The following ZSCAN30 variants were observed in gnomAD, a reference collection of about 807,000 sequenced individuals.
ZSCAN30 encodes the protein zinc finger and SCAN domain containing 30.
In ZSCAN30, 37 loss-of-function variants were observed where a neutral mutation model predicts 44.3. The observed-to-expected ratio is 0.84, with a 90% CI of 0.64 to 1.10. The LOEUF (loss-of-function observed/expected upper bound fraction) is 1.10. Ranked by LOEUF, ZSCAN30 falls within the 50% of genes least tolerant of loss-of-function variation. The pLI is 0.00. For missense variants in ZSCAN30, 549 were observed against 582.6 expected, an observed-to-expected ratio of 0.94 and a Z score of 0.59; for synonymous variants, 181 against 204.6, an observed-to-expected ratio of 0.88 and a Z score of 0.98.
At chr18:35,263,812 T>A in intron 2 of ZSCAN30, 133 bp downstream of exon 2, 1 of 1,394,876 alleles carries the variant, frequency 7.2e-7, no homozygotes, top group Non-Finnish European at 9.8e-7. Flanking sequence ...TTGAACCCAA[T>A]GAGTGAATAA....
At chr18:35,266,371 G>A (rs1171965655) in intron 1 of ZSCAN30, among the ~76,000 whole-genome samples, 2 of 152,100 alleles carry the variant, frequency 1.3e-5, no homozygotes, top group Non-Finnish European at 1.5e-5. Context: ...CCATTCAGAA[G>A]AGAGACTGTG....
intron 3 of ZSCAN30, chr18:35,258,087 A>G (rs918649076): frequency 5.4e-6 from 4 of 735,628 alleles, no homozygotes; most frequent in Non-Finnish European, 2.5e-6. Flanking sequence ...CAATCATATC[A>G]CAGTGGGCCT....
intron 1 of ZSCAN30, chr18:35,267,355 A>G (rs1204113444): frequency 1.3e-5 from 2 of 152,340 alleles, no homozygotes; most frequent in Non-Finnish European, 2.9e-5. Flanking sequence ...GCGGGACCCC[A>G]GATACAGCCG....
chr18:35,274,255 T>A lies in ZSCAN30; in HGVS notation c.-103-9800A>T, dbSNP rs577760284. Among the ~76,000 whole-genome samples, 595 of 152,202 alleles carry A rather than the reference T, an allele frequency of 3.9e-3. 5 individuals are homozygous for A. The highest frequency in any genetic ancestry group is 0.013 in the African/African-American group (555 of 41,536). The stretch of plus-strand genomic sequence containing the variant: ...GGTCTCACCGTGTTAGCCAGGATGG[T>A]CTCGATCTCCTGACCTCGTGATCTG... On this transcript the variant is annotated intron_variant, in intron 1 of 3. Transcript: ENST00000333206.
In ZSCAN30 at chr18:35,252,349, C is replaced by T. The variant is rs2043628294; in HGVS notation, c.*1101G>A. Reference sequence around the variant, plus strand: ...GTGTTTGTGTCCCATGACTCTGGGACTCAGGCAGTGGGAAGTATAAAGGAA... The same window carrying T: ...GTGTTTGTGTCCCATGACTCTGGGATTCAGGCAGTGGGAAGTATAAAGGAA... On this transcript the variant is annotated 3_prime_UTR_variant, in exon 4 of 4. Coordinates refer to ENST00000333206, the MANE Select transcript of ZSCAN30 (RefSeq NM_001112734.4). 1.3e-5 allele frequency: 2 copies of T among 152,230 alleles called. No homozygotes were observed. Among genetic ancestry groups the T allele is most frequent in the South Asian group, 2.1e-4 (1 of 4,828 alleles). 9.4% of individuals were successfully genotyped at this position (152,230 alleles called of 1,614,324 possible). A position where few individuals can be genotyped will look rare whatever the true frequency, so the allele number is the denominator to read the frequency against.
intron 3 of ZSCAN30, among the ~76,000 whole-genome samples, chr18:35,256,524 G>A (rs2043823290): frequency 6.6e-6 from 1 of 151,656 alleles, no homozygotes; most frequent in South Asian, 2.1e-4. Context: ...TCACACCACT[G>A]CATGACAGAA....
chr18:35,258,814 G>C (rs2043931412), intron 3 of ZSCAN30: 1 of 127,308 alleles, frequency 7.9e-6, no homozygotes, highest in Non-Finnish European at 1.6e-5. Flanking sequence ...AGGTTGTAGT[G>C]AGCCAAGATC....
intron 3 of ZSCAN30, chr18:35,260,949 A>AC (rs1253439219): frequency 3.3e-5 from 5 of 152,066 alleles, no homozygotes; most frequent in Non-Finnish European, 7.4e-5. Context: ...GAATGGTATT[A>AC]CCTAGATTTT....
intron 1 of ZSCAN30, among the ~76,000 whole-genome samples, chr18:35,287,659 G>A (rs868759959): frequency 2.0e-5 from 3 of 149,778 alleles, no homozygotes; most frequent in Non-Finnish European, 4.4e-5. Context: ...ATGGATCAGA[G>A]ACCAAAATGT....
intron 1 of ZSCAN30, among the ~76,000 whole-genome samples, chr18:35,279,906 T>C (rs1462556458): frequency 6.6e-6 from 1 of 152,116 alleles, no homozygotes; most frequent in Non-Finnish European, 1.5e-5. Context: ...GTAATGGAGG[T>C]TAGGGCTTGA....
rs2043613862 is a variant in ZSCAN30 at position 35,251,975 on chromosome 18, T to C, written c.*1475A>G. On this transcript the variant is annotated 3_prime_UTR_variant, in exon 4 of 4. Coordinates refer to ENST00000333206, the MANE Select transcript of ZSCAN30 (RefSeq NM_001112734.4). ...ATTGCCCTCAGCAATTGTGGGTTAA[T>C]TAAAACTGCCAAAATAAAAATTAGC... The C allele has an allele frequency of 6.6e-6, 1 of 152,176 alleles. No individual in the cohort carries two copies. The highest frequency in any genetic ancestry group is 2.1e-4 in the South Asian group (1 of 4,836). The allele number at this position is 152,176 out of a possible 1,614,324, so 9.4% of individuals were successfully genotyped here.
At chr18:35,257,781 G>T (rs116295705) in intron 3 of ZSCAN30, 14 of 720,806 alleles carry the variant, frequency 1.9e-5, no homozygotes, top group Non-Finnish European at 3.3e-5. Flanking sequence ...CCATCTCTGC[G>T]TCAAGAAGAG....
intron 3 of ZSCAN30, chr18:35,259,690 T>C (rs1194687473): frequency 3.9e-5 from 6 of 154,274 alleles, no homozygotes; most frequent in Middle Eastern, 1.1e-3. Flanking sequence ...CATATGAATT[T>C]TGAAGGGACA....
chr18:35,269,964 G>A (rs1302607261), intron 1 of ZSCAN30: 1 of 151,990 alleles, frequency 6.6e-6, no homozygotes, highest in Non-Finnish European at 1.5e-5. Context: ...TTTAATGTAA[G>A]TACCCAATTT....
At position 35,253,342 on chromosome 18, in the gene ZSCAN30, G is replaced by A. The variant is rs1009283658; in HGVS notation, c.*108C>T. The A allele has an allele frequency of 2.4e-6, 2 of 824,356 alleles. No individual in the cohort carries two copies. The highest frequency in any genetic ancestry group is 2.1e-5 in the South Asian group (1 of 48,120). 51.1% of individuals were successfully genotyped at this position (824,356 alleles called of 1,614,324 possible). A position where few individuals can be genotyped will look rare whatever the true frequency, so the allele number is the denominator to read the frequency against. On this transcript the variant is annotated 3_prime_UTR_variant, in exon 4 of 4. Transcript: ENST00000333206. Reference sequence around the variant, plus strand: ...ATGTCTTCTTATAGTACCGAACTGGGAGGGAAGGACAGAAGTTCTGCTCTC... The same window carrying A: ...ATGTCTTCTTATAGTACCGAACTGGAAGGGAAGGACAGAAGTTCTGCTCTC...
intron 1 of ZSCAN30, chr18:35,283,904 A>T (rs1032809324): frequency 6.6e-6 from 1 of 152,360 alleles, no homozygotes; most frequent in Admixed American, 6.5e-5. Flanking sequence ...CTGCATCCAG[A>T]TAGAATGAGG....
chr18:35,264,425 T>G lies in ZSCAN30; in HGVS notation c.-73A>C, dbSNP rs1157342005. ...AGATGGAGATTTGCGTCTGAGAGAT[T>G]CCTTCTGAATTCCAACTCCCCAGGA... On this transcript the variant is annotated 5_prime_UTR_variant, in exon 2 of 4. Coordinates refer to ENST00000333206, the MANE Select transcript of ZSCAN30 (RefSeq NM_001112734.4). The G allele has an allele frequency of 6.7e-7, 1 of 1,493,096 alleles. No homozygotes were observed. The highest frequency in any genetic ancestry group is 1.3e-5 in the South Asian group (1 of 76,620). The allele number at this position is 1,493,096 out of a possible 1,614,324, so 92.5% of individuals were successfully genotyped here.
At position 35,252,166 on chromosome 18, in the gene ZSCAN30, C is replaced by T. The variant is rs554942029; in HGVS notation, c.*1284G>A. On this transcript the variant is annotated 3_prime_UTR_variant, in exon 4 of 4. Coordinates refer to ENST00000333206, the MANE Select transcript of ZSCAN30 (RefSeq NM_001112734.4). ...CTTTTCCTCTTCCTACTTATAATCA[C>T]TGAGTTGGGGAGCCTATTCTAGACC... The T allele has an allele frequency of 6.6e-6, 1 of 152,310 alleles. No homozygotes were observed. Among genetic ancestry groups the T allele is most frequent in the East Asian group, 1.9e-4 (1 of 5,186 alleles). The allele number at this position is 152,310 out of a possible 1,614,324, so 9.4% of individuals were successfully genotyped here. A position where few individuals can be genotyped will look rare whatever the true frequency, so the allele number is the denominator to read the frequency against.
At chr18:35,269,626 T>C (rs770314089) in intron 1 of ZSCAN30, 2 of 152,202 alleles carry the variant, frequency 1.3e-5, no homozygotes, top group Non-Finnish European at 2.9e-5. Context: ...GGTTTACATA[T>C]ATTTGCTCAC....
Sources: gnomAD v4.1 joint callset for allele counts (sites outside exome capture counted in the v4.1 genomes callset) on GRCh38, gnomAD v4.1.1 for gene constraint, MANE v1.5 for transcripts, NCBI Gene and HGNC (gene_info 2026-07-23, HGNC 2026-07-21) for gene names.